The following SNX29 variants were observed in gnomAD, a reference collection of about 807,000 sequenced individuals.
SNX29 encodes the protein sorting nexin-29.
A neutral mutation model predicts 102.1 loss-of-function variants in SNX29; 78 were observed. The ratio of observed to expected loss-of-function variants is 0.76; its 90% CI spans 0.64 to 0.92. SNX29 has a LOEUF of 0.92. Among genes scored for constraint, SNX29 ranks in the 40% least tolerant of loss-of-function variants. The probability of loss-of-function intolerance (pLI) is 0.00; values close to 1 mark genes in which losing one functional copy is unlikely to be tolerated. For synonymous variants in SNX29, 580 were observed against 414.5 expected (o/e 1.40, Z -4.85); for missense variants, 1,280 against 1,061.7 (o/e 1.21, Z -2.86).
At chr16:12,036,197 C>T (rs1441666238) in intron 4 of SNX29, among the ~76,000 whole-genome samples, 1 of 152,134 alleles carries the variant, frequency 6.6e-6, no homozygotes, top group Non-Finnish European at 1.5e-5. Flanking sequence ...GCTTCCGCCT[C>T]CCAAGTAGCT....
intron 18 of SNX29, among the ~76,000 whole-genome samples, chr16:12,433,748 TG>T (rs1187593568): frequency 6.6e-6 from 1 of 151,524 alleles, no homozygotes; most frequent in Non-Finnish European, 1.5e-5. Flanking sequence ...CGCTTGAACC[TG>T]GGGGGCGGAG....
chr16:12,236,425 A>G (rs956043265), intron 14 of SNX29, among the ~76,000 whole-genome samples: 6 of 152,182 alleles, frequency 3.9e-5, no homozygotes, highest in Non-Finnish European at 8.8e-5. Context: ...TACCACAGCA[A>G]TGCTGAACTA....
intron 15 of SNX29, 147 bp downstream of exon 15, chr16:12,278,183 G>T (rs922173108): frequency 9.2e-6 from 6 of 649,916 alleles, no homozygotes; most frequent in South Asian, 4.0e-5. Flanking sequence ...GACCAAATCA[G>T]TGTGCTTTAT....
intron 13 of SNX29, among the ~76,000 whole-genome samples, chr16:12,185,877 G>C (rs576377616): frequency 6.6e-6 from 1 of 152,336 alleles, no homozygotes; most frequent in South Asian, 2.1e-4. Flanking sequence ...TCAGATGCAA[G>C]TTGCAAGATA....
intron 20 of SNX29, among the ~76,000 whole-genome samples, chr16:12,543,139 C>T (rs759287811): frequency 4.6e-5 from 7 of 152,146 alleles, no homozygotes; most frequent in African/African-American, 9.7e-5. Context: ...GGTTTAGATC[C>T]AGGCCCTGAA....
At chr16:12,236,954 A>C (rs2077953540) in intron 14 of SNX29, among the ~76,000 whole-genome samples, 1 of 152,184 alleles carries the variant, frequency 6.6e-6, no homozygotes, top group Non-Finnish European at 1.5e-5. Flanking sequence ...TGGGGAGTAA[A>C]GGCACTGGGC....
intron 18 of SNX29, among the ~76,000 whole-genome samples, chr16:12,468,774 C>T (rs544355163): frequency 7.2e-5 from 11 of 152,222 alleles, no homozygotes; most frequent in South Asian, 2.1e-4. Context: ...TGGGGGACAG[C>T]GGGGTTTGGG....
intron 15 of SNX29, among the ~76,000 whole-genome samples, chr16:12,291,755 G>A (rs1032769569): frequency 6.6e-6 from 1 of 152,224 alleles, no homozygotes; most frequent in Non-Finnish European, 1.5e-5. Context: ...ACATGGAGAA[G>A]GGAGATTGGG....
intron 20 of SNX29, among the ~76,000 whole-genome samples, chr16:12,543,911 C>G (rs553405883): frequency 2.0e-5 from 3 of 152,274 alleles, no homozygotes; most frequent in South Asian, 2.1e-4. Context: ...CCTGGATTGC[C>G]GAAGGTGGAA....
At chr16:12,062,409 T>TAAAG (rs2050815856) in intron 9 of SNX29, among the ~76,000 whole-genome samples, 1 of 151,494 alleles carries the variant, frequency 6.6e-6, no homozygotes. Context: ...AATAAATAAA[T>TAAAG]AAATAAATAA....
chr16:12,431,753 T>C lies in SNX29; in HGVS notation c.2037+28224T>C, dbSNP rs553855851. Among the ~76,000 whole-genome samples the C allele has an allele frequency of 2.0e-5, 3 of 152,334 alleles. No homozygotes were observed. In the South Asian group the frequency reaches 6.2e-4, roughly 32 times the overall value. The stretch of plus-strand genomic sequence containing the variant: ...GGTGTTGCTCTTGGTCACAGCATCT[T>C]CTGAGCTGTTACCTAAACCCACAGC... On this transcript the variant is annotated intron_variant, in intron 18 of 20. Coordinates refer to ENST00000566228, the MANE Select transcript of SNX29 (RefSeq NM_032167.5).
At chr16:12,210,151 C>T (rs2077145269) in intron 14 of SNX29, among the ~76,000 whole-genome samples, 1 of 152,144 alleles carries the variant, frequency 6.6e-6, no homozygotes, top group African/African-American at 2.4e-5. Flanking sequence ...GGCTACTTTC[C>T]AGGCACACTG....
At chr16:12,166,745 A>G (rs1027805623) in intron 13 of SNX29, among the ~76,000 whole-genome samples, 1 of 152,220 alleles carries the variant, frequency 6.6e-6, no homozygotes, top group African/African-American at 2.4e-5. Flanking sequence ...AGCTTCAGGC[A>G]TCAGAGTTGG....
intron 6 of SNX29, among the ~76,000 whole-genome samples, chr16:12,048,021 G>A (rs1368911982): frequency 1.3e-5 from 2 of 152,008 alleles, no homozygotes; most frequent in Non-Finnish European, 1.5e-5. Context: ...GCCTGATCCC[G>A]GAACTTGTGC....
intron 18 of SNX29, among the ~76,000 whole-genome samples, chr16:12,468,088 C>T (rs1408667546): frequency 6.6e-6 from 1 of 151,582 alleles, no homozygotes; most frequent in African/African-American, 2.4e-5. Context: ...TCCCCTGTTA[C>T]ACGAGCCCCT....
At chr16:12,113,544 CTGTT>C (rs1029327642) in intron 11 of SNX29, among the ~76,000 whole-genome samples, 9 of 152,188 alleles carry the variant, frequency 5.9e-5, no homozygotes, top group African/African-American at 1.9e-4. Context: ...GTGTGAGAGT[CTGTT>C]TGAGAATTGC....
At chr16:12,544,676 G>A (rs1235189847) in intron 20 of SNX29, among the ~76,000 whole-genome samples, 1 of 152,212 alleles carries the variant, frequency 6.6e-6, no homozygotes, top group African/African-American at 2.4e-5. Context: ...GCCTTTGAGA[G>A]CGCTGTCACT....
rs559888154 is a variant in SNX29, at chr16:12,536,534, A to T, written c.2318+11693A>T. On this transcript the variant is annotated intron_variant, in intron 20 of 20. Transcript: ENST00000566228. ...TCATGCCTCTATTTTCCCCTCTGTA[A>T]AATGGGACTAATTATAGCCCCTACC... Among the ~76,000 whole-genome samples, 3 of 152,278 alleles carry T rather than the reference A, an allele frequency of 2.0e-5. No individual in the cohort carries two copies. In the South Asian group the frequency reaches 6.2e-4, roughly 32 times the overall value.
At chr16:12,005,548 C>T (rs1053736885) in intron 3 of SNX29, among the ~76,000 whole-genome samples, 2 of 152,034 alleles carry the variant, frequency 1.3e-5, no homozygotes, top group Non-Finnish European at 2.9e-5. Context: ...GTTGGTTTGT[C>T]TGTGTGTATG....
Sources: gnomAD v4.1 joint callset for allele counts (sites outside exome capture counted in the v4.1 genomes callset) on GRCh38, gnomAD v4.1.1 for gene constraint, MANE v1.5 for transcripts, NCBI Gene and HGNC (gene_info 2026-07-23, HGNC 2026-07-21) for gene names.